EBF2: variants seen among roughly 807,000 people sequenced by gnomAD.
The protein encoded by EBF2 is EBF transcription factor 2, also known as transcription factor COE2.
Under a neutral mutation model 72.8 loss-of-function variants are expected in EBF2, and 21 were observed. The observed-to-expected ratio is 0.29, with a 90% CI of 0.20 to 0.42. The LOEUF (loss-of-function observed/expected upper bound fraction) is 0.42, where lower values mean the gene tolerates loss of function less well. Among genes scored for constraint, EBF2 ranks in the 10% least tolerant of loss-of-function variants. The probability of loss-of-function intolerance (pLI) is 1.00; values close to 1 mark genes in which losing one functional copy is unlikely to be tolerated. For missense variants in EBF2, 637 were observed against 731.2 expected, an observed-to-expected ratio of 0.87 and a Z score of 1.49; for synonymous variants, 299 against 274.2, an observed-to-expected ratio of 1.09 and a Z score of -0.89.
intron 14 of EBF2, among the ~76,000 whole-genome samples, chr8:25,851,352 C>G (rs1801967381): frequency 6.6e-6 from 1 of 151,430 alleles, no homozygotes; most frequent in East Asian, 1.9e-4. Context: ...TTCAAGTGCT[C>G]TTGGGAAATA....
intron 6 of EBF2, among the ~76,000 whole-genome samples, chr8:25,954,052 C>T (rs1458966671): frequency 6.6e-6 from 1 of 152,122 alleles, no homozygotes; most frequent in African/African-American, 2.4e-5. Flanking sequence ...CTTGGTTACA[C>T]AGTGCAGAGA....
chr8:25,944,048 A>G (rs1803724745), intron 6 of EBF2, among the ~76,000 whole-genome samples: 1 of 152,172 alleles, frequency 6.6e-6, no homozygotes, highest in Admixed American at 6.5e-5. Flanking sequence ...TTTATGAAAG[A>G]GGAAATCTCC....
In EBF2 at chr8:25,862,748, G is replaced by A. The variant is rs763926480; in HGVS notation, c.1059C>T (p.Val353=). 4.4e-6 allele frequency: 7 copies of A among 1,604,854 alleles called. No individual in the cohort carries two copies. Among genetic ancestry groups the A allele is most frequent in the East Asian group, 2.2e-5 (1 of 44,512 alleles). Residue 353 remains valine, a synonymous_variant, in exon 11 of 16, where the codon GTC becomes GTT. Coordinates refer to ENST00000520164, the MANE Select transcript of EBF2 (RefSeq NM_022659.4). ...CAGGATCTCCAGGATGCCTAGGGAT[G>A]ACCTTCTGCAGTCTCTGGAAGCCAT... ...IDYGFQRLQK[V]IPRHPGDPER...
chr8:25,946,862 C>T (rs1429309934), intron 6 of EBF2, among the ~76,000 whole-genome samples: 2 of 152,178 alleles, frequency 1.3e-5, no homozygotes, highest in African/African-American at 4.8e-5. Flanking sequence ...TTATAGGACA[C>T]ACTAAGATGG....
At chr8:26,011,990 C>T (rs114126685) in intron 6 of EBF2, among the ~76,000 whole-genome samples, 269 of 152,104 alleles carry the variant, frequency 1.8e-3, no homozygotes, top group African/African-American at 5.9e-3. Flanking sequence ...TTGAAAGACC[C>T]GAAGTCTGAG....
intron 6 of EBF2, among the ~76,000 whole-genome samples, chr8:26,030,439 G>C (rs191968148): frequency 7.9e-4 from 120 of 152,144 alleles, no homozygotes; most frequent in African/African-American, 2.5e-3. Context: ...GTGGGGGAAG[G>C]GGGGAGGGAG....
intron 7 of EBF2, among the ~76,000 whole-genome samples, chr8:25,901,596 G>A (rs948106803): frequency 2.0e-5 from 3 of 152,104 alleles, no homozygotes; most frequent in Non-Finnish European, 4.4e-5. Flanking sequence ...GAGGCAGAGG[G>A]TAAAAACTCA....
intron 10 of EBF2, among the ~76,000 whole-genome samples, chr8:25,882,426 GGCTGTACCA>G (rs1802619225): frequency 6.6e-6 from 1 of 152,188 alleles, no homozygotes; most frequent in South Asian, 2.1e-4. Context: ...GAAGAGACCT[GGCTGTACCA>G]GCTTGTGAAG....
chr8:25,927,452 C>T (rs1410182181), intron 6 of EBF2, among the ~76,000 whole-genome samples: 1 of 151,136 alleles, frequency 6.6e-6, no homozygotes, highest in African/African-American at 2.4e-5. Flanking sequence ...CCTATTGGTC[C>T]TTTTCTCTGG....
intron 6 of EBF2, among the ~76,000 whole-genome samples, chr8:25,945,990 C>T (rs1367689473): frequency 1.3e-5 from 2 of 152,138 alleles, no homozygotes; most frequent in South Asian, 2.1e-4. Flanking sequence ...GAACAGCTAC[C>T]ACCTAGGCAG....
intron 10 of EBF2, 127 bp downstream of exon 10, chr8:25,886,628 C>G: frequency 8.8e-7 from 1 of 1,138,336 alleles, no homozygotes; most frequent in Non-Finnish European, 1.2e-6. Context: ...ATCTATCACT[C>G]AGCTCACTCT....
At chr8:25,923,727 G>A (rs1281617476) in intron 6 of EBF2, among the ~76,000 whole-genome samples, 1 of 152,146 alleles carries the variant, frequency 6.6e-6, no homozygotes, top group Non-Finnish European at 1.5e-5. Context: ...CCTAGTGAGG[G>A]CCAGGTCATG....
rs537347149 is a variant in EBF2, at chr8:25,928,425, C to A, written c.552-19870G>T. Among the ~76,000 whole-genome samples the A allele has an allele frequency of 3.9e-5, 6 of 152,224 alleles. No individual in the cohort carries two copies. The East Asian group carries it at 1.2e-3, about 29-fold the overall frequency. ...CTCTTCTCCCCACGACCATTCCTGC[C>A]CCAACTTGGCCCAGAAACCAAATGT... On this transcript the variant is annotated intron_variant, in intron 6 of 15. Coordinates refer to ENST00000520164, the MANE Select transcript of EBF2 (RefSeq NM_022659.4).
rs1805660980 is a variant in EBF2 at position 26,044,233 on chromosome 8, G to T, written c.131+496C>A. Among the ~76,000 whole-genome samples the T allele has an allele frequency of 6.6e-6, 1 of 152,080 alleles. No homozygotes were observed. The highest frequency in any genetic ancestry group is 1.5e-5 in the Non-Finnish European group (1 of 67,994). On this transcript the variant is annotated intron_variant, in intron 1 of 15. Transcript: ENST00000520164. The surrounding 1 kb of genome is among the most constrained non-coding windows in gnomAD (Gnocchi z 4.1). Reference sequence around the variant, plus strand: ...TCCGGCTTTTCCCGCTCCCCTCGCCGCCGCCACCCTCTGGCCGCCGGCCTC... The same window carrying T: ...TCCGGCTTTTCCCGCTCCCCTCGCCTCCGCCACCCTCTGGCCGCCGGCCTC...
At chr8:26,002,091 GGGA>G (rs1251454971) in intron 6 of EBF2, among the ~76,000 whole-genome samples, 1 of 152,160 alleles carries the variant, frequency 6.6e-6, no homozygotes, top group Non-Finnish European at 1.5e-5. Flanking sequence ...AAAGGGAACC[GGGA>G]GTTCAGGCAA....
chr8:25,878,644 G>A (rs182777279), intron 10 of EBF2, among the ~76,000 whole-genome samples: 2 of 152,338 alleles, frequency 1.3e-5, no homozygotes, highest in African/African-American at 4.8e-5. Flanking sequence ...TAACCTCGGG[G>A]TGGAAGTTTT....
chr8:26,044,724 G>A lies in EBF2; in HGVS notation c.131+5C>T. ...AGCATAATAATTGCGCGGCCGTGTC[G>A]TTACCTCTGCGCGGCGACATTAGCG... On this transcript the variant is annotated splice_donor_5th_base_variant and intron_variant, in intron 1 of 15. Transcript: ENST00000520164. The surrounding 1 kb of genome is among the most constrained non-coding windows in gnomAD (Gnocchi z 4.1). 6.2e-7 allele frequency: 1 copy of A among 1,613,722 alleles called. No homozygotes were observed. Among genetic ancestry groups the A allele is most frequent in the Non-Finnish European group, 8.5e-7 (1 of 1,179,812 alleles).
intron 6 of EBF2, among the ~76,000 whole-genome samples, chr8:25,934,570 A>T (rs1803542023): frequency 6.6e-6 from 1 of 152,216 alleles, no homozygotes; most frequent in Non-Finnish European, 1.5e-5. Flanking sequence ...TCCATGTCGT[A>T]TCACAAGTCG....
intron 7 of EBF2, among the ~76,000 whole-genome samples, chr8:25,893,270 CA>C (rs1205197360): frequency 1.3e-4 from 16 of 122,774 alleles, no homozygotes; most frequent in African/African-American, 4.1e-4. Context: ...TTAATTCTTC[CA>C]TTTTTTTTTT....
Sources: allele counts gnomAD v4.1 joint callset (sites outside exome capture counted in the v4.1 genomes callset), GRCh38; gene constraint gnomAD v4.1.1; non-coding constraint Gnocchi (gnomAD v3.1); transcripts MANE v1.5; gene names NCBI Gene and HGNC (gene_info 2026-07-23, HGNC 2026-07-21).